The following SCHIP1 variants were observed in gnomAD, a reference collection of about 807,000 sequenced individuals.
The protein encoded by SCHIP1 is schwannomin-interacting protein 1.
A neutral mutation model predicts 29.7 loss-of-function variants in SCHIP1; 8 were observed. The observed-to-expected ratio is 0.27, with a 90% confidence interval of 0.16 to 0.49. SCHIP1 has a LOEUF of 0.49. Ranked by LOEUF, SCHIP1 falls within the 20% of genes least tolerant of loss-of-function variation. The pLI is 0.99. For missense variants in SCHIP1, 193 were observed against 294.6 expected, an observed-to-expected ratio of 0.66 and a Z score of 2.52; for synonymous variants, 76 against 94.9, an observed-to-expected ratio of 0.80 and a Z score of 1.16.
chr3:159,392,904 G>T, the SCHIP1 span, among the ~76,000 whole-genome samples: 4 of 152,288 alleles, frequency 2.6e-5, no homozygotes, highest in Non-Finnish European at 2.9e-5. Context: ...TTCCACAATG[G>T]ATGAACTAGT....
the SCHIP1 span, among the ~76,000 whole-genome samples, chr3:159,814,684 C>T: frequency 5.3e-5 from 8 of 152,158 alleles, no homozygotes; most frequent in Non-Finnish European, 1.2e-4. Flanking sequence ...GGTGTGTAGC[C>T]CAGGTATCAG....
At chr3:159,510,103 A>G in the SCHIP1 span, among the ~76,000 whole-genome samples, 1 of 152,146 alleles carries the variant, frequency 6.6e-6, no homozygotes, top group Non-Finnish European at 1.5e-5. Context: ...TTGCAGGTAC[A>G]CCAATCAGAC....
At chr3:159,609,084 A>G in the SCHIP1 span, among the ~76,000 whole-genome samples, 2 of 152,226 alleles carry the variant, frequency 1.3e-5, no homozygotes, top group African/African-American at 2.4e-5. Flanking sequence ...TCCAACCTAG[A>G]GAGAAGATGC....
chr3:159,435,418 A>G, the SCHIP1 span, among the ~76,000 whole-genome samples: 1 of 152,122 alleles, frequency 6.6e-6, no homozygotes, highest in Non-Finnish European at 1.5e-5. Context: ...TCCTGCACCT[A>G]CAGGGATAAG....
chr3:159,833,879 T>C, the SCHIP1 span, among the ~76,000 whole-genome samples: 1 of 152,198 alleles, frequency 6.6e-6, no homozygotes, highest in African/African-American at 2.4e-5. Flanking sequence ...TCTCAAAACC[T>C]CACAATTCCT....
the SCHIP1 span, among the ~76,000 whole-genome samples, chr3:159,693,259 G>T: frequency 6.6e-6 from 1 of 152,144 alleles, no homozygotes; most frequent in South Asian, 2.1e-4. Flanking sequence ...AATAGTTTTA[G>T]TTTCATTGAT....
At chr3:159,342,978 GACAA>G in the SCHIP1 span, among the ~76,000 whole-genome samples, 1,691 of 152,196 alleles carry the variant, frequency 0.011, 17 homozygotes, top group South Asian at 0.033. Flanking sequence ...GAGGTAACCA[GACAA>G]ACAATTACAA....
chr3:159,429,102 C>T, the SCHIP1 span, among the ~76,000 whole-genome samples: 29 of 150,510 alleles, frequency 1.9e-4, no homozygotes, highest in African/African-American at 5.1e-4. Flanking sequence ...TGCTAGATGA[C>T]GAGTTAGTGG....
the SCHIP1 span, among the ~76,000 whole-genome samples, chr3:159,433,050 C>A: frequency 6.6e-6 from 1 of 152,038 alleles, no homozygotes; most frequent in Admixed American, 6.6e-5. Context: ...AAGAATTTGC[C>A]CCCAGTTTTG....
the SCHIP1 span, among the ~76,000 whole-genome samples, chr3:159,746,767 C>T: frequency 3.9e-4 from 60 of 152,278 alleles, no homozygotes; most frequent in African/African-American, 1.3e-3. Context: ...CCTTCACTTG[C>T]GGGAGATGGA....
the SCHIP1 span, among the ~76,000 whole-genome samples, chr3:159,570,860 C>T: frequency 6.6e-6 from 1 of 152,178 alleles, no homozygotes; most frequent in Non-Finnish European, 1.5e-5. Context: ...AGGTCCTTTA[C>T]ATCCCTTGTA....
intron 2 of SCHIP1, 116 bp from the exon 4 acceptor site, chr3:159,886,091 C>A: frequency 1.0e-6 from 1 of 999,290 alleles, no homozygotes; most frequent in South Asian, 1.5e-5. Context: ...TTGCTCATTT[C>A]TCCATGTGAA....
chr3:159,380,861 C>A, the SCHIP1 span, among the ~76,000 whole-genome samples: 3 of 152,238 alleles, frequency 2.0e-5, no homozygotes, highest in African/African-American at 7.2e-5. Context: ...TTTATCATAT[C>A]ATACTGCATC....
At chr3:159,538,448 C>A in the SCHIP1 span, among the ~76,000 whole-genome samples, 1 of 152,110 alleles carries the variant, frequency 6.6e-6, no homozygotes, top group African/African-American at 2.4e-5. Flanking sequence ...TTGTGTAGAA[C>A]TGGGACTTGG....
the SCHIP1 span, among the ~76,000 whole-genome samples, chr3:159,302,900 G>A: frequency 6.6e-6 from 1 of 152,140 alleles, no homozygotes; most frequent in African/African-American, 2.4e-5. Context: ...CTAAAATTAT[G>A]TCCAAACACT....
At chr3:159,432,135 T>C in the SCHIP1 span, among the ~76,000 whole-genome samples, 2 of 152,094 alleles carry the variant, frequency 1.3e-5, no homozygotes, top group East Asian at 3.9e-4. Flanking sequence ...AACGTTTGAC[T>C]GAGGCTGGAG....
chr3:159,621,691 G>T, the SCHIP1 span, among the ~76,000 whole-genome samples: 33 of 151,614 alleles, frequency 2.2e-4, no homozygotes. Context: ...TTGAGACAGA[G>T]TTTCAGTCTT....
At chr3:159,643,126 G>A in the SCHIP1 span, among the ~76,000 whole-genome samples, 4 of 152,040 alleles carry the variant, frequency 2.6e-5, no homozygotes, top group Non-Finnish European at 4.4e-5. Flanking sequence ...GTTCCTCCAA[G>A]AAGTCAAGAT....
the SCHIP1 span, among the ~76,000 whole-genome samples, chr3:159,738,360 T>C: frequency 6.6e-6 from 1 of 152,340 alleles, no homozygotes; most frequent in South Asian, 2.1e-4. Context: ...TTATAGTCTT[T>C]GCATATTATG....
Sources: allele counts gnomAD v4.1 joint callset (sites outside exome capture counted in the v4.1 genomes callset), GRCh38; gene constraint gnomAD v4.1.1; transcripts MANE v1.5; gene names NCBI Gene and HGNC (gene_info 2026-07-23, HGNC 2026-07-21).